The following SLC27A2 variants were observed in gnomAD, a reference collection of about 807,000 sequenced individuals.
SLC27A2 encodes the protein long-chain fatty acid transport protein 2.
Under a neutral mutation model 60.0 loss-of-function variants are expected in SLC27A2, and 54 were observed. The observed-to-expected ratio is 0.90, with a 90% CI of 0.72 to 1.13. The LOEUF (loss-of-function observed/expected upper bound fraction) is 1.13, where lower values mean the gene tolerates loss of function less well. Among genes scored for constraint, SLC27A2 ranks in the 50% most tolerant of loss-of-function variants. The pLI, the probability that SLC27A2 is intolerant of heterozygous loss-of-function variation, is 0.00. For synonymous variants in SLC27A2, 297 were observed against 297.6 expected, an observed-to-expected ratio of 1.00 and a Z score of 0.02; for missense variants, 739 against 777.6, an observed-to-expected ratio of 0.95 and a Z score of 0.59.
intron 1 of SLC27A2, among the ~76,000 whole-genome samples, chr15:50,194,794 A>T (rs2045000700): frequency 6.6e-6 from 1 of 152,176 alleles, no homozygotes; most frequent in Non-Finnish European, 1.5e-5. Context: ...ACCAGACAAA[A>T]TTTTTTAAAA....
intron 1 of SLC27A2, among the ~76,000 whole-genome samples, chr15:50,186,467 C>G (rs1229492199): frequency 6.6e-6 from 1 of 151,640 alleles, no homozygotes; most frequent in Non-Finnish European, 1.5e-5. Context: ...GAGACAGTCT[C>G]GCTCTGTTGC....
At chr15:50,188,223 A>G (rs574885313) in intron 1 of SLC27A2, among the ~76,000 whole-genome samples, 1 of 152,244 alleles carries the variant, frequency 6.6e-6, no homozygotes, top group Admixed American at 6.5e-5. Flanking sequence ...AGCTGAACAA[A>G]TGCAGTGGGG....
At chr15:50,192,017 G>A (rs900607574) in intron 1 of SLC27A2, among the ~76,000 whole-genome samples, 7 of 149,158 alleles carry the variant, frequency 4.7e-5, no homozygotes, top group Admixed American at 1.3e-4. Context: ...TTGAGATCAC[G>A]CCATTGCACT....
In SLC27A2 at chr15:50,222,948, C is replaced by G. The variant is rs767857184; in HGVS notation, c.973-17C>G. 1.9e-6 allele frequency: 3 copies of G among 1,588,454 alleles called. No homozygotes were observed. The African/African-American group carries it at 4.1e-5, about 21-fold the overall frequency. ...AGAGATGTTTCAGTTTGGTCTCCTTCTTCTCCCCCACCACAGAAACCAAAT... is the reference window on the plus strand; with the variant it reads ...AGAGATGTTTCAGTTTGGTCTCCTTGTTCTCCCCCACCACAGAAACCAAAT... On this transcript the variant is annotated splice_polypyrimidine_tract_variant and intron_variant, in intron 4 of 9. Transcript: ENST00000267842.
intron 1 of SLC27A2, among the ~76,000 whole-genome samples, chr15:50,187,544 G>A (rs542410855): frequency 1.1e-4 from 16 of 152,200 alleles, no homozygotes; most frequent in African/African-American, 3.1e-4. Context: ...TCTCCTGAGG[G>A]TCCCTTCATC....
chr15:50,212,886 A>G (rs1347180132), intron 4 of SLC27A2, among the ~76,000 whole-genome samples: 1 of 152,202 alleles, frequency 6.6e-6, no homozygotes, highest in African/African-American at 2.4e-5. Flanking sequence ...ACAAGTGAAA[A>G]AGCAAACAAC....
In SLC27A2 at chr15:50,203,496, G is replaced by A. The variant is rs190390541; in HGVS notation, c.847+851G>A. On this transcript the variant is annotated intron_variant, in intron 3 of 9. Transcript: ENST00000267842. Reference sequence around the variant, plus strand: ...ATTCATGTCACTTGTATACATTACCGCAAAGTTCAATAGCCAACTCTTCCA... The same window carrying A: ...ATTCATGTCACTTGTATACATTACCACAAAGTTCAATAGCCAACTCTTCCA... Among the ~76,000 whole-genome samples the A allele has an allele frequency of 1.1e-3, 161 of 152,060 alleles. 1 individual carries two copies. Among genetic ancestry groups the A allele is most frequent in the African/African-American group, 3.5e-3 (144 of 41,480 alleles).
intron 8 of SLC27A2, among the ~76,000 whole-genome samples, chr15:50,230,663 G>A (rs1177549389): frequency 1.3e-5 from 2 of 152,206 alleles, no homozygotes; most frequent in Non-Finnish European, 2.9e-5. Context: ...GGAAGGGGGT[G>A]TGAATACTCC....
rs1463295437 is a variant in SLC27A2, at chr15:50,236,003, T to C, written c.1770T>C (p.Asp590=). ...GCTTTAACCCTGCTGTCATCAAAGA[T>C]GCCTTGTATTTCTTGGATGACACAG... is the stretch of plus-strand genomic sequence containing the variant. ...EEGFNPAVIK[D]ALYFLDDTAK... Residue 590 remains aspartate (D), a synonymous_variant, in exon 10 of 10, where the codon GAT becomes GAC. Coordinates refer to ENST00000267842, the MANE Select transcript of SLC27A2 (RefSeq NM_003645.4). 2.2e-5 allele frequency: 36 copies of C among 1,613,960 alleles called. No individual in the cohort carries two copies. Among genetic ancestry groups the C allele is most frequent in the Non-Finnish European group, 3.1e-5 (36 of 1,179,928 alleles).
intron 4 of SLC27A2, among the ~76,000 whole-genome samples, chr15:50,210,258 G>C (rs1028582089): frequency 2.0e-5 from 3 of 152,142 alleles, no homozygotes; most frequent in African/African-American, 7.2e-5. Context: ...AGGACCCACA[G>C]ACCCTCTGAA....
intron 4 of SLC27A2, among the ~76,000 whole-genome samples, chr15:50,216,589 A>C (rs2045196990): frequency 9.7e-6 from 1 of 102,628 alleles, no homozygotes; most frequent in East Asian, 2.2e-4. Context: ...TGGATAAAGA[A>C]ACTGTGGTGT....
chr15:50,186,271 C>A (rs1164440143), intron 1 of SLC27A2, among the ~76,000 whole-genome samples: 1 of 151,980 alleles, frequency 6.6e-6, no homozygotes, highest in Non-Finnish European at 1.5e-5. Flanking sequence ...TTTCTGAGAT[C>A]ATCCCCAAAA....
intron 4 of SLC27A2, 52 bp from the exon 5 acceptor site, chr15:50,222,913 C>T: frequency 7.3e-7 from 1 of 1,367,970 alleles, no homozygotes; most frequent in Non-Finnish European, 1.0e-6. Context: ...AATATGTAAG[C>T]ATAGGCTCCA....
intron 1 of SLC27A2, among the ~76,000 whole-genome samples, chr15:50,185,312 C>T (rs1595678407): frequency 6.6e-6 from 1 of 152,274 alleles, no homozygotes; most frequent in East Asian, 1.9e-4. Flanking sequence ...GGACCTAAGG[C>T]ACTCTCTGGA....
chr15:50,203,439 T>C (rs1363322223), intron 3 of SLC27A2, among the ~76,000 whole-genome samples: 1 of 152,134 alleles, frequency 6.6e-6, no homozygotes, highest in Non-Finnish European at 1.5e-5. Flanking sequence ...ACTATTCAAA[T>C]TGGAGTTGCC....
intron 9 of SLC27A2, among the ~76,000 whole-genome samples, chr15:50,234,258 C>T (rs1007373793): frequency 6.6e-6 from 1 of 151,988 alleles, no homozygotes; most frequent in South Asian, 2.1e-4. Flanking sequence ...CCAGCCTAGG[C>T]AACGTAGTGA....
intron 4 of SLC27A2, among the ~76,000 whole-genome samples, chr15:50,218,969 T>C (rs2045222687): frequency 6.6e-6 from 1 of 152,192 alleles, no homozygotes; most frequent in Non-Finnish European, 1.5e-5. Context: ...AGGGGAAACT[T>C]ACCAATAGAA....
At chr15:50,204,506 T>G (rs2414038) in intron 3 of SLC27A2, among the ~76,000 whole-genome samples, 150,205 of 152,064 alleles carry the variant, frequency 0.99, 74,213 homozygotes, top group Middle Eastern at 1. Flanking sequence ...GGCCAAGGGG[T>G]ACAGATCACG....
intron 4 of SLC27A2, among the ~76,000 whole-genome samples, chr15:50,208,614 A>G (rs538081344): frequency 2.0e-5 from 3 of 152,346 alleles, no homozygotes; most frequent in South Asian, 2.1e-4. Context: ...TACCCCATAC[A>G]TATTTGTTGA....
Sources: allele counts gnomAD v4.1 joint callset (sites outside exome capture counted in the v4.1 genomes callset), GRCh38; gene constraint gnomAD v4.1.1; transcripts MANE v1.5; gene names NCBI Gene and HGNC (gene_info 2026-07-23, HGNC 2026-07-21).